The following RCN1 variants were observed in gnomAD, a reference collection of about 807,000 sequenced individuals.
The protein encoded by RCN1 is reticulocalbin 1, also known as reticulocalbin-1.
A neutral mutation model predicts 34.7 loss-of-function variants in RCN1; 14 were observed. The observed-to-expected ratio is 0.40, with a 90% CI of 0.27 to 0.63. The LOEUF (loss-of-function observed/expected upper bound fraction) is 0.63, where lower values mean the gene tolerates loss of function less well. Ranked by LOEUF, RCN1 falls within the 30% of genes least tolerant of loss-of-function variation. The probability of loss-of-function intolerance (pLI) is 0.37; values close to 1 mark genes in which losing one functional copy is unlikely to be tolerated. For missense variants in RCN1, 326 were observed against 425.1 expected (o/e 0.77, Z 2.05); for synonymous variants, 125 against 165.5 (o/e 0.76, Z 1.88).
At chr11:32,097,728 G>A (rs1851989690) in intron 2 of RCN1, among the ~76,000 whole-genome samples, 1 of 152,186 alleles carries the variant, frequency 6.6e-6, no homozygotes, top group Admixed American at 6.5e-5. Context: ...GGTGTGGGTG[G>A]TTTGGAAACT....
intron 5 of RCN1, among the ~76,000 whole-genome samples, 197 bp downstream of exon 5, chr11:32,103,677 T>G (rs1466359876): frequency 6.6e-6 from 1 of 152,222 alleles, no homozygotes; most frequent in South Asian, 2.1e-4. Flanking sequence ...GCCCCAACTT[T>G]CCTGGAAAGT....
intron 4 of RCN1, chr11:32,103,000 A>G: frequency 1.8e-6 from 1 of 546,596 alleles, no homozygotes; most frequent in South Asian, 1.5e-5. Context: ...TCTCCATTTT[A>G]CAGACAAGGA....
In RCN1 at chr11:32,097,163, G is replaced by A. The variant is rs144307253; in HGVS notation, c.274G>A (p.Asp92Asn). 1.9e-4 allele frequency: 289 copies of A among 1,521,276 alleles called. 1 individual carries two copies. The Middle Eastern group carries it at 2.1e-3, about 11-fold the overall frequency. 94.2% of individuals were successfully genotyped at this position (1,521,276 alleles called of 1,614,324 possible). A position where few individuals can be genotyped will look rare whatever the true frequency, so the allele number is the denominator to read the frequency against. The change falls in exon 2 of 6, where the codon GAC becomes AAC. Residue 92 changes from aspartate (D) to asparagine (N), a missense_variant. By Grantham distance (23) the Asp-to-Asn change is conservative (BLOSUM62 1). Transcript: ENST00000054950. ...CTGCAGGAAGATTGTTGATCGAATCGACAATGATGGGGATGGCTTTGTCAC... is the reference window on the plus strand; with the variant it reads ...CTGCAGGAAGATTGTTGATCGAATCAACAATGATGGGGATGGCTTTGTCAC... ...ERLGKIVDRI[D>N]NDGDGFVTTE...
intron 1 of RCN1, among the ~76,000 whole-genome samples, chr11:32,095,391 C>T (rs374156873): frequency 6.6e-6 from 1 of 151,520 alleles, no homozygotes; most frequent in Admixed American, 6.6e-5. Context: ...GAGCTACAGG[C>T]ATGCATCACC....
At chr11:32,095,023 C>T (rs1851956853) in intron 1 of RCN1, among the ~76,000 whole-genome samples, 1 of 152,146 alleles carries the variant, frequency 6.6e-6, no homozygotes. Context: ...CTGTCCTTTC[C>T]ACAAAAGAGG....
chr11:32,099,303 A>G (rs1028824931), intron 3 of RCN1, among the ~76,000 whole-genome samples: 3 of 151,210 alleles, frequency 2.0e-5, no homozygotes, highest in African/African-American at 7.3e-5. Context: ...CCTGGGCGAC[A>G]GGGTGAGACT....
chr11:32,103,503 C>A, intron 5 of RCN1, 23 bp downstream of exon 5: 2 of 1,598,216 alleles, frequency 1.3e-6, no homozygotes, highest in Non-Finnish European at 1.7e-6. Context: ...CTTCTGGAAT[C>A]ACTGATTGAA....
rs1039309206 is a variant in RCN1, at chr11:32,091,290, A to G, written c.94A>G (p.Thr32Ala). The part of the protein sequence containing the change: ...LAPRVLRAKP[T>A]VRKERVVRPD... ...GCCGCGGGTTCTGCGGGCCAAGCCC[A>G]CGGTGCGCAAAGAGCGCGTGGTGCG... The change falls in exon 1 of 6, where the codon ACG (threonine) becomes GCG (alanine). Residue 32 changes from threonine to alanine, a missense_variant. Transcript: ENST00000054950. 13 of 1,544,118 alleles carry G rather than the reference A, an allele frequency of 8.4e-6. No individual in the cohort carries two copies. Among genetic ancestry groups the G allele is most frequent in the African/African-American group, 2.8e-5 (2 of 72,426 alleles).
intron 1 of RCN1, among the ~76,000 whole-genome samples, chr11:32,095,351 A>G (rs1372424561): frequency 1.3e-5 from 2 of 151,904 alleles, no homozygotes; most frequent in African/African-American, 2.4e-5. Context: ...GGCTCAGGCA[A>G]TCCTCCCACC....
intron 1 of RCN1, among the ~76,000 whole-genome samples, chr11:32,092,375 G>A (rs7101527): frequency 0.041 from 6,193 of 152,140 alleles, 450 homozygotes; most frequent in African/African-American, 0.14. Context: ...AAAGGGACAC[G>A]CAGTTTCCGA....
Position 32,091,234 on chromosome 11 carries a change from C to T in RCN1, c.38C>T (p.Ala13Val). 6 of 1,526,330 alleles carry T rather than the reference C, an allele frequency of 3.9e-6. No individual in the cohort carries two copies. The highest frequency in any genetic ancestry group is 1.4e-5 in the African/African-American group (1 of 70,728). 94.5% of individuals were successfully genotyped at this position (1,526,330 alleles called of 1,614,324 possible). The stretch of plus-strand genomic sequence containing the variant: ...GGCCGCGGCCGCCGCCTGGGGTTAG[C>T]CCTGGGGCTGCTGCTGGCGCTGGTG... Reference protein sequence around the residue: ...RGGRGRRLGLALGLLLALVLA... With the variant: ...RGGRGRRLGLVLGLLLALVLA... Residue 13 changes from alanine to valine, a missense_variant, in exon 1 of 6, where the codon GCC becomes GTC. Transcript: ENST00000054950.
chr11:32,095,030 G>A, intron 1 of RCN1, among the ~76,000 whole-genome samples: 1 of 152,218 alleles, frequency 6.6e-6, no homozygotes, highest in East Asian at 1.9e-4. Context: ...TTCCACAAAA[G>A]AGGATTGTAG....
chr11:32,100,971 C>A (rs223064), intron 4 of RCN1, among the ~76,000 whole-genome samples: 105,181 of 152,038 alleles, frequency 0.69, 36,748 homozygotes, highest in East Asian at 0.96. Context: ...CAGGGCAAAG[C>A]CTCTAAAACT....
At chr11:32,102,381 T>C (rs1852055607) in intron 4 of RCN1, 1 of 152,304 alleles carries the variant, frequency 6.6e-6, no homozygotes, top group African/African-American at 2.4e-5. Context: ...GTCTACCTTG[T>C]AGTCAAGGGT....
At chr11:32,097,567 C>T (rs1203428337) in intron 2 of RCN1, among the ~76,000 whole-genome samples, 1 of 152,076 alleles carries the variant, frequency 6.6e-6, no homozygotes, top group Non-Finnish European at 1.5e-5. Context: ...AAAAAAAATC[C>T]CTTAGATTGA....
chr11:32,101,837 A>G (rs1852047213), intron 4 of RCN1, among the ~76,000 whole-genome samples: 1 of 152,166 alleles, frequency 6.6e-6, no homozygotes, highest in African/African-American at 2.4e-5. Context: ...TGGGGATGAA[A>G]TGAGACTGAC....
At chr11:32,100,465 C>T in intron 3 of RCN1, 83 bp from the exon 4 acceptor site, 1 of 1,149,274 alleles carries the variant, frequency 8.7e-7, no homozygotes, top group Non-Finnish European at 1.3e-6. Flanking sequence ...GCCGTAAAAG[C>T]TGGACAAATG....
chr11:32,097,116 T>G, intron 1 of RCN1, 28 bp from the exon 2 acceptor site: 1 of 1,443,230 alleles, frequency 6.9e-7, no homozygotes, highest in Non-Finnish European at 9.1e-7. Flanking sequence ...TGTGTGTGGG[T>G]TTCTTTTTTT....
intron 1 of RCN1, 21 bp from the exon 2 acceptor site, chr11:32,097,119 CTTTT>C (rs374577571): frequency 6.2e-4 from 804 of 1,301,260 alleles, no homozygotes; most frequent in South Asian, 1.9e-3. Context: ...GTGTGGGTTT[CTTTT>C]TTTTTTTTTT....
Sources: allele counts gnomAD v4.1 joint callset (sites outside exome capture counted in the v4.1 genomes callset), GRCh38; gene constraint gnomAD v4.1.1; transcripts MANE v1.5; gene names NCBI Gene and HGNC (gene_info 2026-07-23, HGNC 2026-07-21).